Variants in QTMAN observed in about 807,000 individuals in gnomAD.
QTMAN encodes queuosine-tRNA mannosyltransferase.
chr2:144,052,406 G>GT, the QTMAN span, among the ~76,000 whole-genome samples: 1 of 152,176 alleles, frequency 6.6e-6, no homozygotes, highest in African/African-American at 2.4e-5. Flanking sequence ...AAAAGACCTG[G>GT]TAACTAATTG....
the QTMAN span, among the ~76,000 whole-genome samples, chr2:143,962,352 A>C: frequency 3.3e-5 from 5 of 152,042 alleles, no homozygotes; most frequent in Non-Finnish European, 7.4e-5. Flanking sequence ...CAAGACATAG[A>C]GGTGGGTAAG....
chr2:144,219,867 T>C, the QTMAN span, among the ~76,000 whole-genome samples: 1 of 152,178 alleles, frequency 6.6e-6, no homozygotes, highest in African/African-American at 2.4e-5. Flanking sequence ...TCAGTTAACA[T>C]ATTTATTGAT....
the QTMAN span, among the ~76,000 whole-genome samples, chr2:144,266,401 T>C: frequency 3.3e-5 from 5 of 152,212 alleles, no homozygotes; most frequent in Admixed American, 2.0e-4. Context: ...ACTTAATGAC[T>C]AGCAAGTTAT....
chr2:144,209,228 T>C, the QTMAN span, among the ~76,000 whole-genome samples: 4 of 152,220 alleles, frequency 2.6e-5, no homozygotes, highest in African/African-American at 7.2e-5. Flanking sequence ...ATGACGACTT[T>C]CACTTCAAGA....
the QTMAN span, among the ~76,000 whole-genome samples, chr2:144,215,765 G>A: frequency 1.2e-4 from 19 of 152,220 alleles, no homozygotes; most frequent in African/African-American, 4.1e-4. Flanking sequence ...GTTTTGCACT[G>A]GAATATCATC....
the QTMAN span, among the ~76,000 whole-genome samples, chr2:143,957,897 G>A: frequency 6.6e-6 from 1 of 152,142 alleles, no homozygotes; most frequent in Non-Finnish European, 1.5e-5. Flanking sequence ...GTGTCGCTGA[G>A]TGAAGGGAGG....
At chr2:143,972,169 C>T in the QTMAN span, among the ~76,000 whole-genome samples, 1 of 152,098 alleles carries the variant, frequency 6.6e-6, no homozygotes, top group Admixed American at 6.5e-5. Context: ...CAGGCAAGAA[C>T]AAAGACTCAA....
the QTMAN span, among the ~76,000 whole-genome samples, chr2:144,081,010 G>A: frequency 1.3e-5 from 2 of 152,094 alleles, no homozygotes; most frequent in Admixed American, 6.5e-5. Context: ...GCAGCCTCAA[G>A]TTACTGAAAT....
the QTMAN span, among the ~76,000 whole-genome samples, chr2:144,165,390 TATAA>T: frequency 0.054 from 8,182 of 151,234 alleles, 358 homozygotes; most frequent in African/African-American, 0.12. Flanking sequence ...AATAAATAAA[TATAA>T]ATAAATAAAT....
At chr2:144,299,183 C>T in the QTMAN span, among the ~76,000 whole-genome samples, 1 of 152,150 alleles carries the variant, frequency 6.6e-6, no homozygotes, top group Non-Finnish European at 1.5e-5. Context: ...TCTCACTAGA[C>T]TTGACAAAAG....
chr2:144,302,623 G>C, the QTMAN span, among the ~76,000 whole-genome samples: 1 of 152,078 alleles, frequency 6.6e-6, no homozygotes, highest in African/African-American at 2.4e-5. Flanking sequence ...TATTCAATAG[G>C]TATTTACAGA....
the QTMAN span, among the ~76,000 whole-genome samples, chr2:144,216,471 G>C: frequency 1.3e-5 from 2 of 152,098 alleles, no homozygotes; most frequent in African/African-American, 2.4e-5. Flanking sequence ...AGTAACACTG[G>C]TTTCACTTAA....
chr2:144,170,782 G>A, the QTMAN span, among the ~76,000 whole-genome samples: 1 of 152,030 alleles, frequency 6.6e-6, no homozygotes, highest in South Asian at 2.1e-4. Context: ...AATACATACA[G>A]TGTGATTACT....
At chr2:144,322,211 TAAAG>T in the QTMAN span, among the ~76,000 whole-genome samples, 1 of 152,202 alleles carries the variant, frequency 6.6e-6, no homozygotes, top group Non-Finnish European at 1.5e-5. Context: ...CTTCTTTCCT[TAAAG>T]AAAGAGTTTT....
the QTMAN span, among the ~76,000 whole-genome samples, chr2:144,079,405 T>C: frequency 6.6e-6 from 1 of 152,160 alleles, no homozygotes; most frequent in African/African-American, 2.4e-5. Context: ...AACTAGATCA[T>C]ATGCATTTTA....
chr2:144,121,380 C>T, the QTMAN span, among the ~76,000 whole-genome samples: 1 of 152,136 alleles, frequency 6.6e-6, no homozygotes, highest in African/African-American at 2.4e-5. Context: ...AGGGACAGAC[C>T]AGGGGCTCAG....
At chr2:144,048,018 T>C in the QTMAN span, among the ~76,000 whole-genome samples, 1 of 152,238 alleles carries the variant, frequency 6.6e-6, no homozygotes, top group South Asian at 2.1e-4. Flanking sequence ...CCAAACCAGA[T>C]GATAGAATGC....
At chr2:144,148,409 T>TCA in the QTMAN span, among the ~76,000 whole-genome samples, 1 of 151,914 alleles carries the variant, frequency 6.6e-6, no homozygotes, top group Non-Finnish European at 1.5e-5. Flanking sequence ...GGAGAGTCTA[T>TCA]CAAACAGATT....
chr2:144,281,395 C>CAAAAA, the QTMAN span, among the ~76,000 whole-genome samples: 4 of 60,580 alleles, frequency 6.6e-5, no homozygotes, highest in Non-Finnish European at 8.9e-5. Context: ...ATTGTTATAG[C>CAAAAA]AAAAAAAAAA....
Sources: allele counts gnomAD v4.1 joint callset (sites outside exome capture counted in the v4.1 genomes callset), GRCh38; gene constraint gnomAD v4.1.1; transcripts MANE v1.5; gene names NCBI Gene and HGNC (gene_info 2026-07-23, HGNC 2026-07-21).